Variants in DENND2B observed in about 807,000 individuals in gnomAD.
DENND2B encodes DENN domain-containing protein 2B.
Under a neutral mutation model 116.0 loss-of-function variants are expected in DENND2B, and 32 were observed. The observed-to-expected ratio is 0.28, with a 90% CI of 0.21 to 0.37. The LOEUF (loss-of-function observed/expected upper bound fraction) is 0.37. Among genes scored for constraint, DENND2B ranks in the 10% least tolerant of loss-of-function variants. The probability of loss-of-function intolerance (pLI) is 1.00; values close to 1 mark genes in which losing one functional copy is unlikely to be tolerated. For synonymous variants in DENND2B, 588 were observed against 583.9 expected (o/e 1.01, Z -0.10); for missense variants, 1,276 against 1,477.7 (o/e 0.86, Z 2.24).
upstream of DENND2B, among the ~76,000 whole-genome samples, chr11:8,814,258 C>G (rs933312886): frequency 1.5e-5 from 2 of 137,476 alleles, no homozygotes; most frequent in Non-Finnish European, 3.0e-5. Flanking sequence ...TTAGAGCTGT[C>G]TGAATCACCT....
chr11:8,742,721 A>G (rs1466538500), intron 2 of DENND2B, among the ~76,000 whole-genome samples: 2 of 152,256 alleles, frequency 1.3e-5, no homozygotes, highest in African/African-American at 4.8e-5. Context: ...GCTGGTTTTC[A>G]CTTCCAGTAC....
chr11:8,698,947 G>A lies in DENND2B; in HGVS notation c.2926C>T (p.Arg976Ter). 1 of 1,614,120 alleles carries A rather than the reference G, an allele frequency of 6.2e-7. No homozygotes were observed. The highest frequency in any genetic ancestry group is 8.5e-7 in the Non-Finnish European group (1 of 1,180,028). The part of the protein sequence containing the change: ...EALMVNLGSD[R>*]FIRQMDDEDT... ...CACCCTCTTACCTGTCGGATGAATC[G>A]GTCAGATCCCAGATTCACCATCAGC... Residue 976 changes from arginine to a stop codon, truncating the protein, a stop_gained, in exon 16 of 20, where the codon CGA (arginine) becomes TGA (stop). Coordinates refer to ENST00000313726, the MANE Select transcript of DENND2B (RefSeq NM_213618.2). LOFTEE classifies it high-confidence loss of function.
chr11:8,908,425 T>C lies in DENND2B; in HGVS notation c.-256+2396A>G, dbSNP rs190606648. Among the ~76,000 whole-genome samples the C allele has an allele frequency of 5.3e-3, 800 of 152,326 alleles. 2 individuals carry two copies. Among genetic ancestry groups the C allele is most frequent in the Non-Finnish European group, 7.1e-3 (481 of 68,028 alleles). ...ACCAGGCTGAAGCTTAAGATAATAATACTAGCTAATATTTATTGAGCACCT... is the reference window on the plus strand; with the variant it reads ...ACCAGGCTGAAGCTTAAGATAATAACACTAGCTAATATTTATTGAGCACCT... On this transcript the variant is annotated intron_variant, in intron 1 of 22. Transcript: ENST00000534127.
chr11:8,799,620 T>C (rs1041489906), intron 1 of DENND2B, among the ~76,000 whole-genome samples: 19 of 144,524 alleles, frequency 1.3e-4, no homozygotes, highest in African/African-American at 4.9e-4. Flanking sequence ...CAGGCTGGAG[T>C]GCAGTGTGTA....
At chr11:8,764,515 C>A (rs948372067) in intron 1 of DENND2B, among the ~76,000 whole-genome samples, 3 of 152,150 alleles carry the variant, frequency 2.0e-5, no homozygotes, top group African/African-American at 7.2e-5. Context: ...ATTTGCCTAG[C>A]GTTTCATAAG....
chr11:8,790,740 G>T (rs1238788473), intron 1 of DENND2B, among the ~76,000 whole-genome samples: 1 of 152,176 alleles, frequency 6.6e-6, no homozygotes, highest in African/African-American at 2.4e-5. Context: ...CTGCACTCCA[G>T]CCCGTGCAAC....
intron 4 of DENND2B, among the ~76,000 whole-genome samples, chr11:8,722,925 T>C (rs2133877047): frequency 6.6e-6 from 1 of 152,294 alleles, no homozygotes; most frequent in East Asian, 1.9e-4. Context: ...GGTGAGCAGC[T>C]ACCTCTACCT....
At chr11:8,796,020 C>T (rs1432265068) in intron 1 of DENND2B, among the ~76,000 whole-genome samples, 1 of 152,208 alleles carries the variant, frequency 6.6e-6, no homozygotes, top group Non-Finnish European at 1.5e-5. Flanking sequence ...AATCCAGTGA[C>T]TTACCAAAGA....
At chr11:8,774,507 G>A (rs1834205728) in intron 1 of DENND2B, among the ~76,000 whole-genome samples, 1 of 152,144 alleles carries the variant, frequency 6.6e-6, no homozygotes, top group Non-Finnish European at 1.5e-5. Context: ...TGACAGAGAG[G>A]AAGTGTGCTC....
At chr11:8,761,067 T>C (rs1406301351) in intron 1 of DENND2B, among the ~76,000 whole-genome samples, 2 of 152,214 alleles carry the variant, frequency 1.3e-5, no homozygotes, top group African/African-American at 2.4e-5. Context: ...ACCTCAACCA[T>C]TTTTCAATCC....
intron 4 of DENND2B, among the ~76,000 whole-genome samples, chr11:8,825,322 T>C (rs952533731): frequency 2.6e-5 from 4 of 152,328 alleles, no homozygotes; most frequent in Middle Eastern, 3.4e-3. Flanking sequence ...ATGTATGTCT[T>C]CTTTTGAAAA....
chr11:8,731,325 CAAAGAGTATTCTAT>C, intron 2 of DENND2B, 116 bp from the exon 3 acceptor site: 1 of 1,003,766 alleles, frequency 1.0e-6, no homozygotes, highest in Non-Finnish European at 1.4e-6. Flanking sequence ...GGAGGACTCT[CAAAGAGTATTCTAT>C]TCAAGTAATA....
In DENND2B at chr11:8,702,737, G is replaced by A; in HGVS notation, c.2572-17C>T. The stretch of plus-strand genomic sequence containing the variant: ...CTCTAACACCTGCAGGAGAGCGATG[G>A]GAAAGTGGGCCGGGGCCAGCCAAGT... On this transcript the variant is annotated splice_polypyrimidine_tract_variant and intron_variant, in intron 13 of 19. Transcript: ENST00000313726. This position sits in a 1 kb window ranked among gnomAD's most constrained non-coding sequence, Gnocchi z 4.6. The A allele has an allele frequency of 6.2e-7, 1 of 1,608,902 alleles. No homozygotes were observed. The highest frequency in any genetic ancestry group is 8.5e-7 in the Non-Finnish European group (1 of 1,177,496).
At chr11:8,714,106 A>C (rs2044283499) in intron 7 of DENND2B, 64 bp from the exon 8 acceptor site, 3 of 1,541,362 alleles carry the variant, frequency 1.9e-6, no homozygotes, top group African/African-American at 2.7e-5. Flanking sequence ...TTGCTCCCCC[A>C]CCACCCCAGC....
At chr11:8,894,097 A>G (rs893187423) in intron 1 of DENND2B, among the ~76,000 whole-genome samples, 2 of 152,152 alleles carry the variant, frequency 1.3e-5, no homozygotes, top group Middle Eastern at 3.4e-3. Context: ...AATACCAGAC[A>G]TCTACAACCA....
intron 1 of DENND2B, among the ~76,000 whole-genome samples, chr11:8,796,520 C>T (rs1373719087): frequency 6.6e-6 from 1 of 152,210 alleles, no homozygotes; most frequent in Non-Finnish European, 1.5e-5. Context: ...GCTTGGGTGA[C>T]AGAGAATCCA....
intron 4 of DENND2B, among the ~76,000 whole-genome samples, chr11:8,723,410 G>C (rs2046530387): frequency 6.6e-6 from 1 of 152,144 alleles, no homozygotes. Context: ...GGCAATGTTT[G>C]GGGGGCAGAA....
intron 2 of DENND2B, among the ~76,000 whole-genome samples, chr11:8,736,124 A>G (rs2048984101): frequency 6.6e-6 from 1 of 152,154 alleles, no homozygotes; most frequent in Admixed American, 6.5e-5. Context: ...CTGCATCTGA[A>G]CGAAGGAAGC....
chr11:8,899,351 A>G (rs2064137799), intron 1 of DENND2B, among the ~76,000 whole-genome samples: 1 of 152,134 alleles, frequency 6.6e-6, no homozygotes. Context: ...AAGAAGATCA[A>G]AAGAACTCCA....
Sources: gnomAD v4.1 joint callset for allele counts (sites outside exome capture counted in the v4.1 genomes callset) on GRCh38, gnomAD v4.1.1 for gene constraint, Gnocchi (gnomAD v3.1) non-coding constraint, MANE v1.5 for transcripts, NCBI Gene and HGNC (gene_info 2026-07-23, HGNC 2026-07-21) for gene names.